ZNF808: variants seen among roughly 807,000 people sequenced by gnomAD.
The protein encoded by ZNF808 is zinc finger protein 808.
A neutral mutation model predicts 8.7 loss-of-function variants in ZNF808; 5 were observed. The observed-to-expected ratio is 0.58, with a 90% confidence interval of 0.30 to 1.21. ZNF808 has a LOEUF of 1.21. Ranked by LOEUF, ZNF808 falls within the 50% of genes most tolerant of loss-of-function variation. The pLI is 0.07. For synonymous variants in ZNF808, 380 were observed against 366.0 expected, an observed-to-expected ratio of 1.04 and a Z score of -0.44; for missense variants, 1,103 against 1,098.4, an observed-to-expected ratio of 1.00 and a Z score of -0.06.
In ZNF808 at chr19:52,536,410, A is replaced by C. The variant is rs573260487; in HGVS notation, c.-20+3401A>C. Among the ~76,000 whole-genome samples, 176 of 152,110 alleles carry C rather than the reference A, an allele frequency of 1.2e-3. 1 individual carries two copies. The highest frequency in any genetic ancestry group is 4.0e-3 in the African/African-American group (168 of 41,502). ...TCTCCGTCTTCGGCCCCTGGAGCGA[A>C]GCGCTGTGTCCCCAGTCCTGGGGAG... On this transcript the variant is annotated intron_variant, in intron 2 of 4. Coordinates refer to ENST00000359798, the MANE Select transcript of ZNF808 (RefSeq NM_001039886.4).
chr19:52,560,365 T>C (rs1483437293), downstream of ZNF808, among the ~76,000 whole-genome samples: 1 of 152,068 alleles, frequency 6.6e-6, no homozygotes, highest in Non-Finnish European at 1.5e-5. Context: ...TTATTAATAT[T>C]ATTATTATTA....
At chr19:52,566,771 GCT>G (rs1472445563), downstream of ZNF808, among the ~76,000 whole-genome samples, 1 of 151,978 alleles carries the variant, frequency 6.6e-6, no homozygotes, top group Non-Finnish European at 1.5e-5. Flanking sequence ...ATTCCTTACT[GCT>G]CACGCATGAC....
At chr19:52,543,901 G>C (rs1163818091) in intron 3 of ZNF808, among the ~76,000 whole-genome samples, 2 of 150,354 alleles carry the variant, frequency 1.3e-5, no homozygotes, top group Non-Finnish European at 1.5e-5. Context: ...GCTTACACCT[G>C]TAATCCCAGC....
intron 2 of ZNF808, among the ~76,000 whole-genome samples, chr19:52,542,129 T>C (rs1338501077): frequency 2.0e-5 from 3 of 152,134 alleles, no homozygotes; most frequent in African/African-American, 4.8e-5. Flanking sequence ...TTTTCACTCT[T>C]GTGGCCCAGG....
Position 52,547,739 on chromosome 19 carries a change from G to GGT in ZNF808, c.190+101_190+102insGT, listed in dbSNP as rs1491196956. On this transcript the variant is annotated intron_variant, in intron 4 of 4. Transcript: ENST00000359798. ...TTGTGATTTTGCCCCATCCATGCTGGTTTTTTTTTTTTTTTTTTTTGACAT... is the reference window on the plus strand; with the variant it reads ...TTGTGATTTTGCCCCATCCATGCTGGGTTTTTTTTTTTTTTTTTTTTTGACAT... The GGT allele has an allele frequency of 5.3e-3, 5,389 of 1,009,200 alleles. 75 individuals are homozygous for GGT. In the African/African-American group the frequency reaches 0.065, roughly 12 times the overall value. The allele number at this position is 1,009,200 out of a possible 1,614,324, so 62.5% of individuals were successfully genotyped here.
chr19:52,562,249 A>T (rs569487277), intron 3 of ZNF808, among the ~76,000 whole-genome samples: 1 of 152,250 alleles, frequency 6.6e-6, no homozygotes, highest in African/African-American at 2.4e-5. Flanking sequence ...GTGGTGTAAC[A>T]TGCCTGAAAT....
intron 2 of ZNF808, among the ~76,000 whole-genome samples, chr19:52,542,980 A>G: frequency 6.7e-6 from 1 of 149,874 alleles, no homozygotes; most frequent in African/African-American, 2.5e-5. Flanking sequence ...GGAGGCTTTG[A>G]TCAGGGATGA....
chr19:52,560,486 C>T (rs1162612687), downstream of ZNF808, among the ~76,000 whole-genome samples: 4 of 152,098 alleles, frequency 2.6e-5, no homozygotes, highest in African/African-American at 9.7e-5. Flanking sequence ...CTGTACTCCT[C>T]GTAGACTTTA....
intron 2 of ZNF808, among the ~76,000 whole-genome samples, chr19:52,540,231 C>G (rs542207649): frequency 2.6e-5 from 4 of 151,922 alleles, no homozygotes; most frequent in Admixed American, 6.6e-5. Context: ...AGGCTGGTCT[C>G]GAACCCCTAA....
chr19:52,560,098 G>A (rs1273132884), downstream of ZNF808, among the ~76,000 whole-genome samples: 1 of 152,184 alleles, frequency 6.6e-6, no homozygotes, highest in Non-Finnish European at 1.5e-5. Context: ...CACTTTGGGA[G>A]GCCCAGGTGG....
intron 2 of ZNF808, among the ~76,000 whole-genome samples, chr19:52,537,405 G>A (rs1486873111): frequency 6.6e-6 from 1 of 151,924 alleles, no homozygotes; most frequent in Non-Finnish European, 1.5e-5. Flanking sequence ...AAGAAAGAGG[G>A]GCCAGGTGCA....
chr19:52,533,583 G>T (rs554211608), intron 2 of ZNF808, among the ~76,000 whole-genome samples: 1 of 151,274 alleles, frequency 6.6e-6, no homozygotes, highest in African/African-American at 2.4e-5. Context: ...ACAGCCACGC[G>T]CAGTGGCTCA....
intron 2 of ZNF808, among the ~76,000 whole-genome samples, chr19:52,535,211 G>C (rs1008470543): frequency 2.0e-5 from 3 of 149,572 alleles, no homozygotes; most frequent in Non-Finnish European, 3.0e-5. Flanking sequence ...GGCGCCTGTA[G>C]TCCCAGTTAC....
intron 2 of ZNF808, among the ~76,000 whole-genome samples, chr19:52,539,472 A>T (rs2059647529): frequency 6.7e-6 from 1 of 149,482 alleles, no homozygotes; most frequent in Non-Finnish European, 1.5e-5. Flanking sequence ...TACAGGCGTG[A>T]GCCACCACAC....
Position 52,554,988 on chromosome 19 carries a change from G to C in ZNF808, c.2072G>C (p.Arg691Pro). ...CKVCDKAFVC[R>P]SYVAKHTRIH... is the part of the protein sequence containing the mutation. ...GTTTGTGACAAGGCTTTCGTGTGTC[G>C]TTCCTATGTGGCAAAACATACTAGA... Residue 691 changes from arginine (R) to proline (P), a missense_variant, in exon 5 of 5, where the codon CGT becomes CCT. Coordinates refer to ENST00000359798, the MANE Select transcript of ZNF808 (RefSeq NM_001039886.4). The C allele has an allele frequency of 6.2e-7, 1 of 1,611,106 alleles. No individual in the cohort carries two copies. Among genetic ancestry groups the C allele is most frequent in the African/African-American group, 1.4e-5 (1 of 73,996 alleles).
In ZNF808 at chr19:52,556,261, A is replaced by G; in HGVS notation, c.*633A>G. ...GGTCACTTGAGGTCAGAAGTTTGAAACCACCATGGCCAACAGATGTCGGCC... is the reference window on the plus strand; with the variant it reads ...GGTCACTTGAGGTCAGAAGTTTGAAGCCACCATGGCCAACAGATGTCGGCC... On this transcript the variant is annotated 3_prime_UTR_variant, in exon 5 of 5. Transcript: ENST00000359798. 1 of 176,936 alleles carries G rather than the reference A, an allele frequency of 5.7e-6. No individual in the cohort carries two copies. The highest frequency in any genetic ancestry group is 5.7e-5 in the Admixed American group (1 of 17,508). 11.0% of individuals were successfully genotyped at this position (176,936 alleles called of 1,614,324 possible).
downstream of ZNF808, among the ~76,000 whole-genome samples, chr19:52,557,360 G>A (rs144970708): frequency 2.8e-4 from 43 of 151,740 alleles, no homozygotes; most frequent in African/African-American, 9.2e-4. Flanking sequence ...TCTGCCTCCC[G>A]GGTTCAAGGC....
At chr19:52,558,118 C>G (rs1423910018), downstream of ZNF808, among the ~76,000 whole-genome samples, 2 of 138,358 alleles carry the variant, frequency 1.4e-5, no homozygotes, top group East Asian at 2.1e-4. Context: ...CAGAGTCTCG[C>G]TCTGTTGCCC....
At chr19:52,538,421 C>G (rs2608526) in intron 2 of ZNF808, among the ~76,000 whole-genome samples, 45,799 of 147,540 alleles carry the variant, frequency 0.31, 7,201 homozygotes, top group East Asian at 0.5. Context: ...TGGCTAATGA[C>G]TCTCTGTGCC....
Sources: gnomAD v4.1 joint callset for allele counts (sites outside exome capture counted in the v4.1 genomes callset) on GRCh38, gnomAD v4.1.1 for gene constraint, MANE v1.5 for transcripts, NCBI Gene and HGNC (gene_info 2026-07-23, HGNC 2026-07-21) for gene names.